Variants in RNF141 observed in about 807,000 individuals in gnomAD.
RNF141 encodes ring finger protein 141, also known as C3HC4-like zinc finger protein.
In RNF141, 18 loss-of-function variants were observed where a neutral mutation model predicts 27.4. The observed-to-expected ratio is 0.66, with a 90% CI of 0.45 to 0.97. The LOEUF (loss-of-function observed/expected upper bound fraction) is 0.97. Ranked by LOEUF, RNF141 falls within the 50% of genes least tolerant of loss-of-function variation. The pLI is 0.00. For missense variants in RNF141, 230 were observed against 279.4 expected (o/e 0.82, Z 1.26); for synonymous variants, 97 against 96.6 (o/e 1.00, Z -0.02).
chr11:10,530,856 GA>G (rs1849979744), intron 2 of RNF141, 105 bp from the exon 3 acceptor site: 2 of 551,226 alleles, frequency 3.6e-6, no homozygotes, highest in Non-Finnish European at 6.2e-6. Flanking sequence ...AAGGAAATAT[GA>G]AGAAACACAA....
At chr11:10,536,723 C>T (rs1305562895) in intron 1 of RNF141, among the ~76,000 whole-genome samples, 1 of 152,096 alleles carries the variant, frequency 6.6e-6, no homozygotes, top group African/African-American at 2.4e-5. Flanking sequence ...CTCGGCCTCC[C>T]AGGCCGAGGA....
At chr11:10,531,464 C>CT (rs1849986235) in intron 2 of RNF141, among the ~76,000 whole-genome samples, 1 of 151,796 alleles carries the variant, frequency 6.6e-6, no homozygotes, top group African/African-American at 2.4e-5. Context: ...ACATCTTGCT[C>CT]TTGGTTCAGT....
chr11:10,519,269 C>A, intron 4 of RNF141, 128 bp from the exon 5 acceptor site: 2 of 564,276 alleles, frequency 3.5e-6, no homozygotes, highest in Non-Finnish European at 2.9e-6. Context: ...GACTCATGTG[C>A]AAAATCAGAC....
At chr11:10,532,625 A>T (rs1475860637) in intron 2 of RNF141, among the ~76,000 whole-genome samples, 1 of 152,166 alleles carries the variant, frequency 6.6e-6, no homozygotes, top group Non-Finnish European at 1.5e-5. Flanking sequence ...ATCTTCTAAG[A>T]TAACTTTTAA....
chr11:10,519,245 A>G, intron 4 of RNF141, 104 bp from the exon 5 acceptor site: 2 of 856,966 alleles, frequency 2.3e-6, no homozygotes, highest in Non-Finnish European at 3.6e-6. Context: ...TGCCCACAGT[A>G]TAAAGCACAA....
intron 4 of RNF141, among the ~76,000 whole-genome samples, chr11:10,519,442 T>C (rs1849869020): frequency 1.3e-5 from 2 of 152,230 alleles, no homozygotes; most frequent in African/African-American, 2.4e-5. Flanking sequence ...ATTTAGCCCA[T>C]TTTAATCATA....
At chr11:10,537,979 G>A (rs1431188948) in intron 1 of RNF141, among the ~76,000 whole-genome samples, 1 of 152,180 alleles carries the variant, frequency 6.6e-6, no homozygotes, top group African/African-American at 2.4e-5. Context: ...GCTTTTCAAT[G>A]TGCTTTTAAC....
At chr11:10,515,942 C>T (rs1849839908) in intron 5 of RNF141, 1 of 152,104 alleles carries the variant, frequency 6.6e-6, no homozygotes, top group South Asian at 2.1e-4. Flanking sequence ...GGATTTTTTT[C>T]TGGTCAAACA....
intron 2 of RNF141, among the ~76,000 whole-genome samples, chr11:10,533,798 T>C (rs754714422): frequency 3.9e-5 from 6 of 152,168 alleles, no homozygotes; most frequent in Non-Finnish European, 7.4e-5. Context: ...CCAAGTTCCA[T>C]TTTAAGTTCT....
intron 1 of RNF141, among the ~76,000 whole-genome samples, chr11:10,536,532 G>C (rs963372870): frequency 6.6e-6 from 1 of 152,174 alleles, no homozygotes. Flanking sequence ...ATGACTAAAA[G>C]TTATATCCTG....
Position 10,514,300 on chromosome 11 carries a change from A to G in RNF141, c.*616T>C, listed in dbSNP as rs1354265529. The G allele has an allele frequency of 6.6e-6, 1 of 152,366 alleles. No individual in the cohort carries two copies. Among genetic ancestry groups the G allele is most frequent in the Non-Finnish European group, 1.5e-5 (1 of 68,026 alleles). 9.4% of individuals were successfully genotyped at this position (152,366 alleles called of 1,614,324 possible). A position where few individuals can be genotyped will look rare whatever the true frequency, so the allele number is the denominator to read the frequency against. On this transcript the variant is annotated 3_prime_UTR_variant, in exon 6 of 6. Coordinates refer to ENST00000265981, the MANE Select transcript of RNF141 (RefSeq NM_016422.4). ...AAATTATACAGTATGGCAAAAACAAACAAACAAACCTTTAAGTACAGTAGT... is the reference window on the plus strand; with the variant it reads ...AAATTATACAGTATGGCAAAAACAAGCAAACAAACCTTTAAGTACAGTAGT...
At chr11:10,532,490 A>T in intron 2 of RNF141, among the ~76,000 whole-genome samples, 1 of 117,378 alleles carries the variant, frequency 8.5e-6, no homozygotes, top group African/African-American at 3.2e-5. Context: ...AGTTTAGTTC[A>T]TTTTCTACAC....
chr11:10,539,723 T>C (rs955920836), intron 1 of RNF141, among the ~76,000 whole-genome samples: 58 of 119,030 alleles, frequency 4.9e-4, no homozygotes, highest in African/African-American at 1.8e-3. Context: ...AGAGAGAAAC[T>C]ACAAAAGGAT....
chr11:10,520,821 C>G (rs556132712), intron 4 of RNF141, among the ~76,000 whole-genome samples: 2 of 152,088 alleles, frequency 1.3e-5, no homozygotes, highest in Admixed American at 1.3e-4. Flanking sequence ...TTTTTTAGCT[C>G]CATTATAATC....
chr11:10,519,288 ATATTATCTTT>A, intron 4 of RNF141, 147 bp from the exon 5 acceptor site: 1 of 523,446 alleles, frequency 1.9e-6, no homozygotes, highest in Non-Finnish European at 3.3e-6. Flanking sequence ...ACTAAAATTA[ATATTATCTTT>A]TAGGGATAGC....
intron 3 of RNF141, among the ~76,000 whole-genome samples, chr11:10,527,330 C>A (rs1050230305): frequency 2.0e-5 from 3 of 152,102 alleles, no homozygotes. Context: ...GGAGAAGGAA[C>A]GCTGAGGGGT....
Position 10,514,852 on chromosome 11 carries a change from A to C in RNF141, c.*64T>G. Reference sequence around the variant, plus strand: ...GTGTCTGTGCCAGTGCCACAACCCTACATTCTTCCCCCATGACCAAATATT... The same window carrying C: ...GTGTCTGTGCCAGTGCCACAACCCTCCATTCTTCCCCCATGACCAAATATT... On this transcript the variant is annotated 3_prime_UTR_variant, in exon 6 of 6. Transcript: ENST00000265981. 1.3e-6 allele frequency: 2 copies of C among 1,504,800 alleles called. No homozygotes were observed. The highest frequency in any genetic ancestry group is 1.8e-6 in the Non-Finnish European group (2 of 1,113,000). 93.2% of individuals were successfully genotyped at this position (1,504,800 alleles called of 1,614,324 possible). A position where few individuals can be genotyped will look rare whatever the true frequency, so the allele number is the denominator to read the frequency against.
At position 10,530,760 on chromosome 11, in the gene RNF141, A is replaced by T. The variant is rs1399946440; in HGVS notation, c.144-9T>A. 1.3e-6 allele frequency: 2 copies of T among 1,537,928 alleles called. No homozygotes were observed. Among genetic ancestry groups the T allele is most frequent in the East Asian group, 2.3e-5 (1 of 43,890 alleles). On this transcript the variant is annotated splice_polypyrimidine_tract_variant and intron_variant, in intron 2 of 5. Coordinates refer to ENST00000265981, the MANE Select transcript of RNF141 (RefSeq NM_016422.4). ...AAGCCACTTTAGCCGTTCTGAAAAG[A>T]GACAAGAACATGTTAATTTTATGAA...
At chr11:10,519,241 C>A in intron 4 of RNF141, 100 bp from the exon 5 acceptor site, 1 of 914,408 alleles carries the variant, frequency 1.1e-6, no homozygotes, top group Non-Finnish European at 1.7e-6. Flanking sequence ...TATATGCCCA[C>A]AGTATAAAGC....
Sources: allele counts gnomAD v4.1 joint callset (sites outside exome capture counted in the v4.1 genomes callset), GRCh38; gene constraint gnomAD v4.1.1; transcripts MANE v1.5; gene names NCBI Gene and HGNC (gene_info 2026-07-23, HGNC 2026-07-21).